The following PARP10 variants were observed in gnomAD, a reference collection of about 807,000 sequenced individuals.
PARP10 encodes the protein protein mono-ADP-ribosyltransferase PARP10.
In PARP10, 56 loss-of-function variants were observed where a neutral mutation model predicts 82.4. That is an observed-to-expected ratio of 0.68 (90% CI 0.55 to 0.85). PARP10 has a LOEUF of 0.85. PARP10 is among the 40% of genes least tolerant of loss of function. PARP10 has a pLI of 0.00. For synonymous variants in PARP10, 576 were observed against 601.1 expected, an observed-to-expected ratio of 0.96 and a Z score of 0.61; for missense variants, 1,227 against 1,379.4, an observed-to-expected ratio of 0.89 and a Z score of 1.75.
chr8:144,007,815 C>G (rs536399677), intron 1 of PARP10, among the ~76,000 whole-genome samples: 1 of 152,342 alleles, frequency 6.6e-6, no homozygotes, highest in South Asian at 2.1e-4. Flanking sequence ...TTGAAAGACC[C>G]AGGGCCCATG....
chr8:144,012,507 C>A, intron 1 of PARP10: 1 of 1,551,614 alleles, frequency 6.4e-7, no homozygotes, highest in African/African-American at 1.4e-5. Context: ...CTTGCCACTG[C>A]CCCAGGGCAT....
At chr8:144,009,904 C>T (rs1363532397) in intron 1 of PARP10, among the ~76,000 whole-genome samples, 1 of 152,176 alleles carries the variant, frequency 6.6e-6, no homozygotes, top group Non-Finnish European at 1.5e-5. Flanking sequence ...ACCTGTGAAC[C>T]AGCCACCCTC....
upstream of PARP10, chr8:143,987,131 C>T (rs574810265): frequency 6.6e-6 from 1 of 152,572 alleles, no homozygotes; most frequent in East Asian, 1.9e-4. Context: ...GCCGCTAATC[C>T]TCACCACAGA....
Position 143,977,617 on chromosome 8 carries a change from A to G in PARP10, c.2945T>C (p.Ile982Thr). Residue 982 changes from isoleucine (I) to threonine (T), a missense_variant, in exon 11 of 11, where the codon ATC becomes ACC. Ile to Thr is a moderately conservative substitution (Grantham distance 89). Transcript: ENST00000313028. Reference protein sequence around the residue: ...LLRYDSAVDCICQPSIFVIFH... With the variant: ...LLRYDSAVDCTCQPSIFVIFH... ...GATGACGAAGATGCTGGGCTGGCAGATGCAGTCCACGGCGCTGTCGTAGCG... is the reference window on the plus strand; with the variant it reads ...GATGACGAAGATGCTGGGCTGGCAGGTGCAGTCCACGGCGCTGTCGTAGCG... 1 of 1,590,902 alleles carries G rather than the reference A, an allele frequency of 6.3e-7. No homozygotes were observed.
Position 143,985,228 on chromosome 8 carries a change from G to C in PARP10, c.774C>G (p.Asn258Lys). Residue 258 changes from asparagine to lysine, a missense_variant, in exon 5 of 11, where the codon AAC (asparagine) becomes AAG (lysine). Transcript: ENST00000313028. ...DILEPEELAE[N>K]TSGGDHPSTQ... ...TGGACGGGTGGTCCCCTCCACTGGT[G>C]TTCTCAGCCAGCTCCTCGGGCTCCA... is the stretch of plus-strand genomic sequence containing the variant. The C allele has an allele frequency of 6.2e-7, 1 of 1,614,070 alleles. No individual in the cohort carries two copies. The highest frequency in any genetic ancestry group is 1.1e-5 in the South Asian group (1 of 91,082).
chr8:143,986,245 C>T lies in PARP10; in HGVS notation c.3-12G>A, dbSNP rs1833989158. ...CCGCCATTGCAACCCTGGGACGGGGCATCAGGTGGGTAGGGAAACAGCCCA... is the reference window on the plus strand; with the variant it reads ...CCGCCATTGCAACCCTGGGACGGGGTATCAGGTGGGTAGGGAAACAGCCCA... On this transcript the variant is annotated splice_polypyrimidine_tract_variant and intron_variant, in intron 1 of 10. Transcript: ENST00000313028. The T allele has an allele frequency of 1.9e-6, 3 of 1,613,866 alleles. No homozygotes were observed. The South Asian group carries it at 3.3e-5, about 18-fold the overall frequency.
At chr8:143,994,128 G>T (rs1554751045), upstream of PARP10, among the ~76,000 whole-genome samples, 1 of 152,222 alleles carries the variant, frequency 6.6e-6, no homozygotes, top group Non-Finnish European at 1.5e-5. Context: ...TCCCACTGCA[G>T]CCTCGAGGCT....
chr8:143,999,443 G>A (rs781794209), intron 1 of PARP10, among the ~76,000 whole-genome samples: 22 of 151,986 alleles, frequency 1.4e-4, no homozygotes, highest in Non-Finnish European at 2.9e-4. Flanking sequence ...AGCTCAAGTG[G>A]TCCGCCCACC....
At chr8:143,979,789 G>A (rs1554747218) in intron 9 of PARP10, among the ~76,000 whole-genome samples, 1 of 152,164 alleles carries the variant, frequency 6.6e-6, no homozygotes, top group Non-Finnish European at 1.5e-5. Flanking sequence ...ACTTTGGGAG[G>A]CCGAGGTGGG....
At chr8:143,999,012 CTTCCTTCT>C (rs1554751474) in intron 1 of PARP10, among the ~76,000 whole-genome samples, 3 of 148,526 alleles carry the variant, frequency 2.0e-5, no homozygotes, top group African/African-American at 7.5e-5. Flanking sequence ...TCCTTCCTTC[CTTCCTTCT>C]TTCTTTCTTT....
Position 143,979,195 on chromosome 8 carries a change from G to C in PARP10, c.2557-1114C>G, listed in dbSNP as rs538486035. Among the ~76,000 whole-genome samples, 3 of 151,806 alleles carry C rather than the reference G, an allele frequency of 2.0e-5. No individual in the cohort carries two copies. The South Asian group carries it at 6.3e-4, about 32-fold the overall frequency. ...TCACTGTGTTAGCCAGGATGGTCTCGATCTCCTGACCTCGTGATCCGCCCG... is the reference window on the plus strand; with the variant it reads ...TCACTGTGTTAGCCAGGATGGTCTCCATCTCCTGACCTCGTGATCCGCCCG... On this transcript the variant is annotated intron_variant, in intron 9 of 10. Coordinates refer to ENST00000313028, the MANE Select transcript of PARP10 (RefSeq NM_032789.5).
upstream of PARP10, among the ~76,000 whole-genome samples, chr8:143,995,091 A>T (rs1352016784): frequency 2.0e-5 from 3 of 152,166 alleles, no homozygotes; most frequent in African/African-American, 7.2e-5. Flanking sequence ...GGCAAGCTCC[A>T]GAGGTGTGGG....
At chr8:143,982,406 G>A (rs1436472422) in intron 9 of PARP10, among the ~76,000 whole-genome samples, 4 of 152,250 alleles carry the variant, frequency 2.6e-5, no homozygotes, top group Middle Eastern at 3.4e-3. Flanking sequence ...CCCGGGAGGC[G>A]GAGCTTGCCG....
chr8:143,982,793 G>T, intron 9 of PARP10, 139 bp downstream of exon 9: 1 of 1,387,482 alleles, frequency 7.2e-7, no homozygotes, highest in South Asian at 1.3e-5. Flanking sequence ...TCTGGGCAGA[G>T]AACAGGGCTG....
chr8:143,980,333 A>C (rs1833821442), intron 9 of PARP10, among the ~76,000 whole-genome samples: 1 of 140,024 alleles, frequency 7.1e-6, no homozygotes, highest in Admixed American at 6.9e-5. Flanking sequence ...AAAAAAAAAA[A>C]AAAAAAAAAA....
At chr8:143,988,676 G>A (rs1047512142), upstream of PARP10, among the ~76,000 whole-genome samples, 1 of 151,072 alleles carries the variant, frequency 6.6e-6, no homozygotes, top group Non-Finnish European at 1.5e-5. Context: ...CACCGTGTTA[G>A]CCAGGATGGT....
chr8:143,983,114 GCCCCT>G (rs1564250130), intron 8 of PARP10, 48 bp downstream of exon 8: 1 of 1,613,054 alleles, frequency 6.2e-7, no homozygotes. Context: ...TGGGGCACTA[GCCCCT>G]GCTAACCAGC....
upstream of PARP10, among the ~76,000 whole-genome samples, chr8:143,995,923 G>C (rs1834161292): frequency 6.6e-6 from 1 of 152,220 alleles, no homozygotes; most frequent in Non-Finnish European, 1.5e-5. Context: ...CTTCACAGCT[G>C]ACAGCTCTAG....
At chr8:143,984,522 G>T (rs782743659) in intron 5 of PARP10, 22 bp downstream of exon 5, 1 of 1,595,450 alleles carries the variant, frequency 6.3e-7, no homozygotes, top group Non-Finnish European at 8.5e-7. Flanking sequence ...CTGAAGGTGA[G>T]GAGTCCTGAG....
Sources: gnomAD v4.1 joint callset for allele counts (sites outside exome capture counted in the v4.1 genomes callset) on GRCh38, gnomAD v4.1.1 for gene constraint, MANE v1.5 for transcripts, NCBI Gene and HGNC (gene_info 2026-07-23, HGNC 2026-07-21) for gene names.